Variants in FLG observed in about 807,000 individuals in gnomAD.
The protein encoded by FLG is epidermal filaggrin.
FLG carries 6 observed loss-of-function variants against 3.8 expected under a neutral mutation model. The ratio of observed to expected loss-of-function variants is 1.60; its 90% CI spans 0.87 to 3.15. The LOEUF (loss-of-function observed/expected upper bound fraction) is 3.15. Among genes scored for constraint, FLG ranks in the 30% most tolerant of loss-of-function variants. FLG has a pLI of 0.00. For missense variants in FLG, 7,595 were observed against 5,050.9 expected (o/e 1.50, Z -15.27); for synonymous variants, 2,551 against 1,931.6 (o/e 1.32, Z -8.41).
In FLG at chr1:152,311,451, G is replaced by A. The variant is rs770123501; in HGVS notation, c.3435C>T (p.His1145=). 8.1e-6 allele frequency: 13 copies of A among 1,613,906 alleles called. No homozygotes were observed. In the South Asian group the frequency reaches 1.3e-4, roughly 16 times the overall value. The part of the protein sequence containing the change: ...RTSTGRRQGS[H]HEQARDSSRH... ...TGGAGCTGTCTCGTGCCTGCTCGTG[G>A]TGGGATCCTTGTCTTCGTCCAGTGC... Residue 1145 remains histidine, a synonymous_variant, in exon 3 of 3, where the codon CAC becomes CAT. Transcript: ENST00000368799.
Position 152,312,564 on chromosome 1 carries a change from G to T in FLG, c.2322C>A (p.Ser774Arg), listed in dbSNP as rs773163818. The T allele has an allele frequency of 1.2e-5, 19 of 1,613,600 alleles. No individual in the cohort carries two copies. The highest frequency in any genetic ancestry group is 1.4e-5 in the Non-Finnish European group (17 of 1,179,952). Reference sequence around the variant, plus strand: ...ACCGGTCACGTGCGGACTCTTGGTGGCTCTGCTGATGGTGACCAGCCTGTC... The same window carrying T: ...ACCGGTCACGTGCGGACTCTTGGTGTCTCTGCTGATGGTGACCAGCCTGTC... Reference protein sequence around the residue: ...GHGQAGHHQQSHQESARDRSG... With the variant: ...GHGQAGHHQQRHQESARDRSG... Residue 774 changes from serine to arginine, a missense_variant, in exon 3 of 3, where the codon AGC becomes AGA. Physicochemically the swap from Ser to Arg is moderately radical, Grantham distance 110. Coordinates refer to ENST00000368799, the MANE Select transcript of FLG (RefSeq NM_002016.2).
At chr1:152,317,580 T>A (rs1442997028) in intron 1 of FLG, among the ~76,000 whole-genome samples, 1 of 152,004 alleles carries the variant, frequency 6.6e-6, no homozygotes, top group Non-Finnish European at 1.5e-5. Context: ...TTTCTTAGCC[T>A]CCTCGTTCAG....
In FLG at chr1:152,303,270, G is replaced by A. The variant is rs140349291; in HGVS notation, c.11616C>T (p.Tyr3872=). The change falls in exon 3 of 3, where the codon TAC becomes TAT. Residue 3872 remains tyrosine, a synonymous_variant. Coordinates refer to ENST00000368799, the MANE Select transcript of FLG (RefSeq NM_002016.2). ...CAGATCGCCTCTCAGAGTCCTCTGG[G>A]TATGCCTCACTGTCACTGTCCTGGC... ...SVSQDSDSEA[Y]PEDSERRSES... The A allele has an allele frequency of 2.5e-6, 4 of 1,614,098 alleles. No homozygotes were observed. Among genetic ancestry groups the A allele is most frequent in the African/African-American group, 1.3e-5 (1 of 75,018 alleles).
Position 152,312,697 on chromosome 1 carries a change from G to T in FLG, c.2189C>A (p.Ala730Asp), listed in dbSNP as rs1206469279. 6.2e-7 allele frequency: 1 copy of T among 1,613,988 alleles called. No homozygotes were observed. The highest frequency in any genetic ancestry group is 8.5e-7 in the Non-Finnish European group (1 of 1,180,024). Residue 730 changes from alanine (A) to aspartate (D), a missense_variant, in exon 3 of 3, where the codon GCT (alanine) becomes GAT (aspartate). Physicochemically the swap from Ala to Asp is moderately radical, Grantham distance 126. Coordinates refer to ENST00000368799, the MANE Select transcript of FLG (RefSeq NM_002016.2). ...SRHSGTGHGQ[A>D]SSAVRDSGHR... ...TCCACTGTCTCTGACTGCAGATGAAGCTTGTCCGTGCCCAGTGCCTGAGTG... is the reference window on the plus strand; with the variant it reads ...TCCACTGTCTCTGACTGCAGATGAATCTTGTCCGTGCCCAGTGCCTGAGTG...
chr1:152,302,867 C>T lies in FLG; in HGVS notation c.12019G>A (p.Val4007Ile). ...GSVSYNSNPV[V>I]FKERSDICKA... ...CAGATATCAGATCTTTCCTTGAAAA[C>T]AACAGGATTGGAATTGTAACTAACA... The change falls in exon 3 of 3, where the codon GTT (valine) becomes ATT (isoleucine). Residue 4007 changes from valine (V) to isoleucine (I), a missense_variant. By Grantham distance (29) the Val-to-Ile change is conservative (BLOSUM62 3). Transcript: ENST00000368799. 1 of 1,614,174 alleles carries T rather than the reference C, an allele frequency of 6.2e-7. No individual in the cohort carries two copies. Among genetic ancestry groups the T allele is most frequent in the South Asian group, 1.1e-5 (1 of 91,082 alleles).
chr1:152,310,391 C>T lies in FLG; in HGVS notation c.4495G>A (p.Gly1499Arg), dbSNP rs1166133000. ...IRGHPGSSRG[G>R]RQGSYHEQSV... is the part of the protein sequence containing the mutation. Reference sequence around the variant, plus strand: ...TGCTCGTGGTAGGATCCCTGCCTTCCTCCTCTGCTTGACCCCGGGTGTCCA... The same window carrying T: ...TGCTCGTGGTAGGATCCCTGCCTTCTTCCTCTGCTTGACCCCGGGTGTCCA... Residue 1499 changes from glycine to arginine, a missense_variant, in exon 3 of 3, where the codon GGA becomes AGA. Coordinates refer to ENST00000368799, the MANE Select transcript of FLG (RefSeq NM_002016.2). 6.2e-7 allele frequency: 1 copy of T among 1,613,588 alleles called. No individual in the cohort carries two copies. Among genetic ancestry groups the T allele is most frequent in the Admixed American group, 1.7e-5 (1 of 59,930 alleles).
Position 152,313,277 on chromosome 1 carries a change from T to G in FLG, c.1609A>C (p.Asn537His), listed in dbSNP as rs770898927. 2 of 1,613,554 alleles carry G rather than the reference T, an allele frequency of 1.2e-6. No individual in the cohort carries two copies. The highest frequency in any genetic ancestry group is 1.3e-5 in the African/African-American group (1 of 74,658). The change falls in exon 3 of 3, where the codon AAT becomes CAT. Residue 537 changes from asparagine to histidine, a missense_variant. By Grantham distance (68) the Asn-to-His change is moderately conservative. Coordinates refer to ENST00000368799, the MANE Select transcript of FLG (RefSeq NM_002016.2). ...RQGSHHEQSVNRSGHSGSHHS... is the reference protein window; with the variant it reads ...RQGSHHEQSVHRSGHSGSHHS... ...TGGGAACCTGAGTGTCCAGACCTATTTACCGATTGCTCGTGGTGGGATCCC... is the reference window on the plus strand; with the variant it reads ...TGGGAACCTGAGTGTCCAGACCTATGTACCGATTGCTCGTGGTGGGATCCC...
In FLG at chr1:152,311,400, C is replaced by G. The variant is rs777453669; in HGVS notation, c.3486G>C (p.Gln1162His). 6.2e-7 allele frequency: 1 copy of G among 1,613,694 alleles called. No homozygotes were observed. The highest frequency in any genetic ancestry group is 1.7e-5 in the Admixed American group (1 of 59,974). The change falls in exon 3 of 3, where the codon CAG becomes CAC. Residue 1162 changes from glutamine (Q) to histidine (H), a missense_variant. By Grantham distance (24) the Gln-to-His change is conservative (BLOSUM62 0). Coordinates refer to ENST00000368799, the MANE Select transcript of FLG (RefSeq NM_002016.2). ...ACCCCGGGTGTGCACGAATGGTGTC[C>G]TGACCCTCTTGGGACGCTGAGTGCC... ...SSRHSASQEG[Q>H]DTIRAHPGSR...
Position 152,323,596 on chromosome 1 carries a change from A to G in FLG, c.-22+1593T>C, listed in dbSNP as rs150282801. Among the ~76,000 whole-genome samples the G allele has an allele frequency of 4.1e-3, 622 of 151,800 alleles. 4 individuals carry two copies. The highest frequency in any genetic ancestry group is 0.014 in the African/African-American group (598 of 41,490). On this transcript the variant is annotated intron_variant, in intron 1 of 2. Coordinates refer to ENST00000368799, the MANE Select transcript of FLG (RefSeq NM_002016.2). ...GAAATAACGTGTGAGACCTCAATAC[A>G]CCCACCAAAGTGACTAAAAAGATAA...
chr1:152,313,968 G>A lies in FLG; in HGVS notation c.918C>T (p.His306=), dbSNP rs181139991. The A allele has an allele frequency of 8.1e-6, 13 of 1,613,630 alleles. No homozygotes were observed. The highest frequency in any genetic ancestry group is 1.3e-5 in the African/African-American group (1 of 74,792). ...RVSQDRDSEG[H]SEDSERHSGS... ...CAGAGTGCCTCTCAGAGTCTTCTGA[G>A]TGTCCCTCACTGTCCCTGTCCTGGC... Residue 306 remains histidine, a synonymous_variant, in exon 3 of 3, where the codon CAC becomes CAT. Coordinates refer to ENST00000368799, the MANE Select transcript of FLG (RefSeq NM_002016.2).
rs1417257325 is a variant in FLG, at chr1:152,305,440, G to C, written c.9446C>G (p.Ser3149Cys). Reference sequence around the variant, plus strand: ...TCCTGACTGCCCACGGGAGGCATCAGACCTTCCCTGGGATGTGGTGTGGCT... The same window carrying C: ...TCCTGACTGCCCACGGGAGGCATCACACCTTCCCTGGGATGTGGTGTGGCT... The part of the protein sequence containing the change: ...HHSHTTSQGR[S>C]DASRGQSGSR... Residue 3149 changes from serine to cysteine, a missense_variant, in exon 3 of 3, where the codon TCT becomes TGT. Ser to Cys is a moderately radical substitution (Grantham distance 112). Coordinates refer to ENST00000368799, the MANE Select transcript of FLG (RefSeq NM_002016.2). 2 of 1,596,398 alleles carry C rather than the reference G, an allele frequency of 1.3e-6. No homozygotes were observed. Among genetic ancestry groups the C allele is most frequent in the African/African-American group, 2.9e-5 (2 of 69,616 alleles).
At position 152,313,505 on chromosome 1, in the gene FLG, G is replaced by T. The variant is rs184361545; in HGVS notation, c.1381C>A (p.Arg461=). The change falls in exon 3 of 3, where the codon CGG becomes AGG. Residue 461 remains arginine (R), a synonymous_variant. Transcript: ENST00000368799. ...AGGGAAGACCCTGAACGTCCAGACC[G>T]TTCCCCTGACCGGCCACGTGTGGAC... ...QESTRGRSGE[R]SGRSGSSLYQ... is the part of the protein sequence containing the mutation. The T allele has an allele frequency of 6.2e-6, 10 of 1,613,644 alleles. No individual in the cohort carries two copies. The highest frequency in any genetic ancestry group is 3.3e-4 in the Middle Eastern group (2 of 6,084).
rs778502200 is a variant in FLG, at chr1:152,312,085, T to G, written c.2801A>C (p.Glu934Ala). Residue 934 changes from glutamate to alanine, a missense_variant, in exon 3 of 3, where the codon GAG becomes GCG. Coordinates refer to ENST00000368799, the MANE Select transcript of FLG (RefSeq NM_002016.2). ...CTGGCGCCTGCTTGTCCTGGACCCC[T>G]CTGATTGTCCCTGGCCTGCCTGTGA... is the stretch of plus-strand genomic sequence containing the variant. ...RHSQAGQGQS[E>A]GSRTSRRQGS... is the part of the protein sequence containing the mutation. 5.0e-6 allele frequency: 8 copies of G among 1,613,902 alleles called. No homozygotes were observed. The highest frequency in any genetic ancestry group is 3.3e-5 in the Admixed American group (2 of 60,004).
intron 1 of FLG, among the ~76,000 whole-genome samples, chr1:152,320,329 C>T (rs1441737601): frequency 6.6e-6 from 1 of 150,570 alleles, no homozygotes; most frequent in Non-Finnish European, 1.5e-5. Context: ...AGGGACAAGG[C>T]TGTCAGACTG....
Position 152,309,482 on chromosome 1 carries a change from T to C in FLG, c.5404A>G (p.Arg1802Gly). The change falls in exon 3 of 3, where the codon AGG (arginine) becomes GGG (glycine). Residue 1802 changes from arginine to glycine, a missense_variant. Transcript: ENST00000368799. ...SRHEQARDSS[R>G]HSASQEGQDT... ...TGACCCTCTTGGGACGCTGAGTGCC[T>C]GGAGCTGTCTCGTGCCTGCTCGTGG... The C allele has an allele frequency of 6.2e-7, 1 of 1,613,874 alleles. No homozygotes were observed.
In FLG at chr1:152,311,380, G is replaced by A. The variant is rs754087511; in HGVS notation, c.3506C>T (p.Pro1169Leu). ...CTGCCTTCCTCCTCTCCTTGACCCC[G>A]GGTGTGCACGAATGGTGTCCTGACC... is the stretch of plus-strand genomic sequence containing the variant. ...QEGQDTIRAH[P>L]GSRRGGRQGS... Residue 1169 changes from proline to leucine, a missense_variant, in exon 3 of 3, where the codon CCG becomes CTG. By Grantham distance (98) the Pro-to-Leu change is moderately conservative. Coordinates refer to ENST00000368799, the MANE Select transcript of FLG (RefSeq NM_002016.2). 9 of 1,613,382 alleles carry A rather than the reference G, an allele frequency of 5.6e-6. No homozygotes were observed. Among genetic ancestry groups the A allele is most frequent in the African/African-American group, 4.0e-5 (3 of 74,664 alleles).
In FLG at chr1:152,307,114, T is replaced by C. The variant is rs377133221; in HGVS notation, c.7772A>G (p.His2591Arg). The change falls in exon 3 of 3, where the codon CAT becomes CGT. Residue 2591 changes from histidine to arginine, a missense_variant. Coordinates refer to ENST00000368799, the MANE Select transcript of FLG (RefSeq NM_002016.2). ...TAGCTGCTCCTGAGCAGATCCATGATGGTTTCTGGAAGCAGACCCAGACCA... is the reference window on the plus strand; with the variant it reads ...TAGCTGCTCCTGAGCAGATCCATGACGGTTTCTGGAAGCAGACCCAGACCA... ...ERWSGSASRNHHGSAQEQLRD... is the reference protein window; with the variant it reads ...ERWSGSASRNRHGSAQEQLRD... The C allele has an allele frequency of 5.6e-6, 9 of 1,611,606 alleles. No homozygotes were observed. Among genetic ancestry groups the C allele is most frequent in the Admixed American group, 1.7e-5 (1 of 59,802 alleles).
Position 152,310,436 on chromosome 1 carries a change from C to G in FLG, c.4450G>C (p.Asp1484His). The change falls in exon 3 of 3, where the codon GAC (aspartate) becomes CAC (histidine). Residue 1484 changes from aspartate to histidine, a missense_variant. Transcript: ENST00000368799. Reference protein sequence around the residue: ...RNSSRHSASQDGQDTIRGHPG... With the variant: ...RNSSRHSASQHGQDTIRGHPG... ...TGTCCACGAATGGTGTCCTGACCGT[C>G]TTGGGATGCTGAGTGCCTAGAGCTG... is the stretch of plus-strand genomic sequence containing the variant. 1 of 1,613,478 alleles carries G rather than the reference C, an allele frequency of 6.2e-7. No homozygotes were observed. Among genetic ancestry groups the G allele is most frequent in the East Asian group, 2.2e-5 (1 of 44,802 alleles).
In FLG at chr1:152,311,006, G is replaced by C. The variant is rs1361591522; in HGVS notation, c.3880C>G (p.His1294Asp). 5 of 1,613,894 alleles carry C rather than the reference G, an allele frequency of 3.1e-6. No homozygotes were observed. Among genetic ancestry groups the C allele is most frequent in the Non-Finnish European group, 3.4e-6 (4 of 1,179,978 alleles). ...ERLSGSASRN[H>D]HGSSREQSRD... Reference sequence around the variant, plus strand: ...GACTGCTCCCGAGAAGATCCATGATGGTTTCTGGAAGCAGACCCAGACAAC... The same window carrying C: ...GACTGCTCCCGAGAAGATCCATGATCGTTTCTGGAAGCAGACCCAGACAAC... Residue 1294 changes from histidine to aspartate, a missense_variant, in exon 3 of 3, where the codon CAT becomes GAT. Transcript: ENST00000368799.
Sources: allele counts gnomAD v4.1 joint callset (sites outside exome capture counted in the v4.1 genomes callset), GRCh38; gene constraint gnomAD v4.1.1; transcripts MANE v1.5; gene names NCBI Gene and HGNC (gene_info 2026-07-23, HGNC 2026-07-21).